TAF2: variants seen among roughly 807,000 people sequenced by gnomAD.
TAF2 encodes the protein transcription initiation factor TFIID subunit 2.
Under a neutral mutation model 138.5 loss-of-function variants are expected in TAF2, and 61 were observed. That is an observed-to-expected ratio of 0.44 (90% CI 0.36 to 0.54). The LOEUF is 0.54. Ranked by LOEUF, TAF2 falls within the 20% of genes least tolerant of loss-of-function variation. The pLI, the probability that TAF2 is intolerant of heterozygous loss-of-function variation, is 0.00. For synonymous variants in TAF2, 475 were observed against 469.9 expected, an observed-to-expected ratio of 1.01 and a Z score of -0.14; for missense variants, 1,090 against 1,427.9, an observed-to-expected ratio of 0.76 and a Z score of 3.81.
intron 8 of TAF2, among the ~76,000 whole-genome samples, chr8:119,796,342 T>C (rs1038839457): frequency 6.6e-6 from 1 of 152,102 alleles, no homozygotes; most frequent in Non-Finnish European, 1.5e-5. Context: ...ATTTCCATAC[T>C]ATATATAGTA....
In TAF2 at chr8:119,783,520, T is replaced by C. The variant is rs1390983127; in HGVS notation, c.1973A>G (p.Asp658Gly). The C allele has an allele frequency of 6.2e-7, 1 of 1,614,082 alleles. No individual in the cohort carries two copies. The highest frequency in any genetic ancestry group is 2.2e-5 in the East Asian group (1 of 44,872). ...AATGGATTCCTGCTGTGCAACAACA[T>C]CTCTCTCATAGCGGAGCTGATACTG... is the stretch of plus-strand genomic sequence containing the variant. ...MWQYQLRYER[D>G]VVAQQESILA... The change falls in exon 16 of 26, where the codon GAT becomes GGT. Residue 658 changes from aspartate (D) to glycine (G), a missense_variant. Asp to Gly is a moderately conservative substitution (Grantham distance 94). Coordinates refer to ENST00000378164, the MANE Select transcript of TAF2 (RefSeq NM_003184.4).
intron 22 of TAF2, among the ~76,000 whole-genome samples, chr8:119,754,627 A>G (rs28665481): frequency 0.45 from 67,470 of 151,608 alleles, 15,481 homozygotes; most frequent in Admixed American, 0.54. Flanking sequence ...AGGTTGCAGT[A>G]AGCTGAGATC....
chr8:119,829,851 CTTTTTTTAGTTTTT>C (rs1826329030), intron 2 of TAF2, among the ~76,000 whole-genome samples: 1 of 149,314 alleles, frequency 6.7e-6, no homozygotes, highest in Admixed American at 6.7e-5. Context: ...AACCTCCATT[CTTTTTTTAGTTTTT>C]TTTTTTTTTT....
intron 5 of TAF2, among the ~76,000 whole-genome samples, chr8:119,802,253 T>C (rs1824314884): frequency 6.6e-6 from 1 of 152,228 alleles, no homozygotes; most frequent in Non-Finnish European, 1.5e-5. Flanking sequence ...GTACCATCAG[T>C]TCAAACCCTA....
At chr8:119,821,146 T>G (rs1825782458) in intron 2 of TAF2, among the ~76,000 whole-genome samples, 1 of 152,224 alleles carries the variant, frequency 6.6e-6, no homozygotes, top group Non-Finnish European at 1.5e-5. Flanking sequence ...AAGCCCAGTC[T>G]CCTTGTACCA....
intron 4 of TAF2, 37 bp downstream of exon 4, chr8:119,806,246 A>AT (rs1824636058): frequency 6.5e-7 from 1 of 1,536,614 alleles, no homozygotes; most frequent in Non-Finnish European, 9.0e-7. Context: ...ATCTAACGTG[A>AT]TTTTAGTGTA....
chr8:119,829,502 T>C (rs573266193), intron 2 of TAF2, among the ~76,000 whole-genome samples: 2 of 152,216 alleles, frequency 1.3e-5, no homozygotes, highest in Admixed American at 6.5e-5. Flanking sequence ...ACTCCCTTCA[T>C]TTCCCTCAAT....
At chr8:119,815,419 C>T (rs1198139113) in intron 3 of TAF2, among the ~76,000 whole-genome samples, 1 of 151,636 alleles carries the variant, frequency 6.6e-6, no homozygotes. Flanking sequence ...GGACTACAGG[C>T]GCCTGCCACC....
chr8:119,808,598 T>G (rs1003454602), intron 3 of TAF2, among the ~76,000 whole-genome samples: 1 of 152,226 alleles, frequency 6.6e-6, no homozygotes, highest in Admixed American at 6.5e-5. Flanking sequence ...GAGGAATCAC[T>G]ATCTATGGCA....
intron 18 of TAF2, among the ~76,000 whole-genome samples, chr8:119,771,479 G>A (rs1276130372): frequency 6.6e-6 from 1 of 151,966 alleles, no homozygotes; most frequent in Admixed American, 6.6e-5. Context: ...CAAGCAATCT[G>A]CCCTCCTCGA....
Position 119,746,777 on chromosome 8 carries a change from C to T in TAF2, c.3036G>A (p.Glu1012=). The T allele has an allele frequency of 6.2e-7, 1 of 1,614,116 alleles. No homozygotes were observed. The change falls in exon 23 of 26, where the codon GAG becomes GAA. Residue 1012 remains glutamate (E), a synonymous_variant. Coordinates refer to ENST00000378164, the MANE Select transcript of TAF2 (RefSeq NM_003184.4). The part of the protein sequence containing the change: ...KAVLNPTIIP[E]SVAGNQEAAN... ...CAGCTTCTTGGTTGCCTGCTACTGA[C>T]TCTGGAATTATGGTAGGATTCAAGA...
intron 3 of TAF2, among the ~76,000 whole-genome samples, chr8:119,809,645 G>A (rs962191826): frequency 6.6e-6 from 1 of 152,134 alleles, no homozygotes; most frequent in Non-Finnish European, 1.5e-5. Flanking sequence ...CCATTGTAGG[G>A]TTATTAATTG....
chr8:119,737,529 G>GTT (rs1819304223), intron 25 of TAF2, among the ~76,000 whole-genome samples: 1 of 131,420 alleles, frequency 7.6e-6, no homozygotes. Context: ...TTTTTTTTGA[G>GTT]ACAGAGTCTC....
chr8:119,760,346 T>C (rs1340079211), intron 20 of TAF2: 4 of 368,162 alleles, frequency 1.1e-5, no homozygotes, highest in African/African-American at 2.1e-5. Flanking sequence ...TAAAATAACG[T>C]CCAATTAAAG....
chr8:119,796,540 ATTGAG>A (rs1380367186), intron 8 of TAF2, among the ~76,000 whole-genome samples: 1 of 152,094 alleles, frequency 6.6e-6, no homozygotes, highest in Non-Finnish European at 1.5e-5. Context: ...TACATTAAAT[ATTGAG>A]TTATTTCCAA....
At chr8:119,749,644 A>G (rs978598625) in intron 22 of TAF2, among the ~76,000 whole-genome samples, 6 of 152,152 alleles carry the variant, frequency 3.9e-5, no homozygotes, top group Non-Finnish European at 8.8e-5. Context: ...AACTGAGATG[A>G]TCAGAGTAGT....
chr8:119,756,166 C>T lies in TAF2; in HGVS notation c.2769-51G>A, dbSNP rs900945844. On this transcript the variant is annotated intron_variant, in intron 21 of 25. Coordinates refer to ENST00000378164, the MANE Select transcript of TAF2 (RefSeq NM_003184.4). ...TTTGCTGACCTTTTACTGACAGATG[C>T]TATGAGTAGGAGACAACATAAACAC... 3 of 1,298,110 alleles carry T rather than the reference C, an allele frequency of 2.3e-6. No homozygotes were observed. The African/African-American group carries it at 4.4e-5, about 19-fold the overall frequency. The allele number at this position is 1,298,110 out of a possible 1,614,324, so 80.4% of individuals were successfully genotyped here. A position where few individuals can be genotyped will look rare whatever the true frequency, so the allele number is the denominator to read the frequency against.
At chr8:119,775,416 A>C (rs936102962) in intron 18 of TAF2, among the ~76,000 whole-genome samples, 1 of 151,848 alleles carries the variant, frequency 6.6e-6, no homozygotes, top group Non-Finnish European at 1.5e-5. Flanking sequence ...TTAAAGGTTG[A>C]CTACAGCTGG....
intron 24 of TAF2, among the ~76,000 whole-genome samples, chr8:119,742,960 T>C (rs889673745): frequency 3.3e-5 from 5 of 151,832 alleles, no homozygotes; most frequent in African/African-American, 9.7e-5. Context: ...TCCCAGCTAC[T>C]TGGGAGGCTG....
Sources: allele counts gnomAD v4.1 joint callset (sites outside exome capture counted in the v4.1 genomes callset), GRCh38; gene constraint gnomAD v4.1.1; transcripts MANE v1.5; gene names NCBI Gene and HGNC (gene_info 2026-07-23, HGNC 2026-07-21).